The following POC5 variants were observed in gnomAD, a reference collection of about 807,000 sequenced individuals.
The protein encoded by POC5 is POC5 centriolar protein, also known as centrosomal protein POC5.
Under a neutral mutation model 62.9 loss-of-function variants are expected in POC5, and 48 were observed. That is an observed-to-expected ratio of 0.76 (90% CI 0.61 to 0.97). The LOEUF is 0.97. Ranked by LOEUF, POC5 falls within the 50% of genes least tolerant of loss-of-function variation. The probability of loss-of-function intolerance (pLI) is 0.00; values close to 1 mark genes in which losing one functional copy is unlikely to be tolerated. For missense variants in POC5, 696 were observed against 679.5 expected (o/e 1.02, Z -0.27); for synonymous variants, 236 against 228.2 (o/e 1.03, Z -0.31).
At chr5:75,702,543 T>C (rs2112176096) in intron 5 of POC5, 62 bp downstream of exon 5, 2 of 1,456,920 alleles carry the variant, frequency 1.4e-6, no homozygotes, top group Non-Finnish European at 1.9e-6. Flanking sequence ...ACAGTATAAA[T>C]GAGAGTAAAA....
chr5:75,686,405 T>G (rs577248940), intron 9 of POC5, among the ~76,000 whole-genome samples: 1 of 152,200 alleles, frequency 6.6e-6, no homozygotes, highest in Admixed American at 6.5e-5. Flanking sequence ...CTCCAGAAAT[T>G]TGGGCCTCTG....
chr5:75,688,496 G>A (rs1776186590), intron 9 of POC5, among the ~76,000 whole-genome samples: 1 of 151,804 alleles, frequency 6.6e-6, no homozygotes, highest in Non-Finnish European at 1.5e-5. Context: ...GACAATATGT[G>A]GATTTTTAAA....
chr5:75,717,207 CA>C (rs1742632989), intron 1 of POC5, 98 bp downstream of exon 1: 1 of 152,350 alleles, frequency 6.6e-6, no homozygotes, highest in Admixed American at 6.5e-5. Context: ...GGGAAGAGCC[CA>C]GGGGGAGGAA....
In POC5 at chr5:75,702,818, A is replaced by G. The variant is rs772049108; in HGVS notation, c.308-8T>C. The G allele has an allele frequency of 4.5e-6, 7 of 1,551,534 alleles. No homozygotes were observed. In the African/African-American group the frequency reaches 8.2e-5, roughly 18 times the overall value. On this transcript the variant is annotated splice_region_variant and splice_polypyrimidine_tract_variant and intron_variant, in intron 4 of 11. Coordinates refer to ENST00000428202, the MANE Select transcript of POC5 (RefSeq NM_001099271.2). The stretch of plus-strand genomic sequence containing the variant: ...ATAACACTGGTGATGACTCTGAATA[A>G]AAGAAAAGTTGTAGCTGTCAAGCCA...
chr5:75,712,563 A>G (rs773679510), intron 2 of POC5: 2 of 1,037,586 alleles, frequency 1.9e-6, no homozygotes, highest in South Asian at 2.9e-5. Context: ...AGCTAAAATG[A>G]AAAAAATTTA....
chr5:75,685,167 G>C, intron 10 of POC5, 40 bp downstream of exon 10: 2 of 1,548,790 alleles, frequency 1.3e-6, no homozygotes, highest in Non-Finnish European at 1.7e-6. Flanking sequence ...GGGCCTGGCC[G>C]CCCTTTTCAT....
At chr5:75,702,163 G>T (rs1021805655) in intron 5 of POC5, among the ~76,000 whole-genome samples, 1 of 152,008 alleles carries the variant, frequency 6.6e-6, no homozygotes, top group African/African-American at 2.4e-5. Context: ...GGCCTGTCAG[G>T]GGGTGGAGGG....
intron 5 of POC5, among the ~76,000 whole-genome samples, chr5:75,699,698 G>C (rs1295720096): frequency 7.6e-5 from 11 of 144,622 alleles, no homozygotes; most frequent in Non-Finnish European, 1.5e-5. Context: ...ATTCAACATA[G>C]TGTTGGAAGT....
intron 11 of POC5, among the ~76,000 whole-genome samples, chr5:75,675,260 A>C (rs1224947167): frequency 7.2e-6 from 1 of 138,764 alleles, no homozygotes; most frequent in African/African-American, 3.0e-5. Context: ...ATTTACATGT[A>C]AACATGAACA....
At chr5:75,682,421 G>T (rs1775902211) in intron 10 of POC5, among the ~76,000 whole-genome samples, 1 of 152,104 alleles carries the variant, frequency 6.6e-6, no homozygotes, top group African/African-American at 2.4e-5. Flanking sequence ...TTTAAATGAG[G>T]TCATCTGTGC....
In POC5 at chr5:75,674,569, G is replaced by C; in HGVS notation, c.1594C>G (p.Pro532Ala). ...GGATATTTTGCTGCAGTTGCTTGAGGAATGGTTTGCTGAAAAGACAAAATT... is the reference window on the plus strand; with the variant it reads ...GGATATTTTGCTGCAGTTGCTTGAGCAATGGTTTGCTGAAAAGACAAAATT... Reference protein sequence around the residue: ...KHHPVTVQTIPQATAAKYPRT... With the variant: ...KHHPVTVQTIAQATAAKYPRT... The change falls in exon 12 of 12, where the codon CCT becomes GCT. Residue 532 changes from proline (P) to alanine (A), a missense_variant. Coordinates refer to ENST00000428202, the MANE Select transcript of POC5 (RefSeq NM_001099271.2). 6.2e-7 allele frequency: 1 copy of C among 1,613,788 alleles called. No homozygotes were observed. Among genetic ancestry groups the C allele is most frequent in the Non-Finnish European group, 8.5e-7 (1 of 1,179,800 alleles).
chr5:75,692,555 A>G lies in POC5; in HGVS notation c.691-55T>C, dbSNP rs1192370915. On this transcript the variant is annotated intron_variant, in intron 6 of 11. Transcript: ENST00000428202. The stretch of plus-strand genomic sequence containing the variant: ...GATATTAAAATAACAGCAATTGGTA[A>G]AGTGATTTTCTCATATATCAAAAAA... 8 of 1,286,480 alleles carry G rather than the reference A, an allele frequency of 6.2e-6. No homozygotes were observed. In the East Asian group the frequency reaches 2.1e-4, roughly 33 times the overall value. 79.7% of individuals were successfully genotyped at this position (1,286,480 alleles called of 1,614,324 possible). A position where few individuals can be genotyped will look rare whatever the true frequency, so the allele number is the denominator to read the frequency against.
chr5:75,681,708 A>G (rs1775873667), intron 10 of POC5, among the ~76,000 whole-genome samples: 1 of 151,580 alleles, frequency 6.6e-6, no homozygotes, highest in Non-Finnish European at 1.5e-5. Context: ...TTGTTTGCTA[A>G]TTCTCTGTAC....
intron 2 of POC5, chr5:75,709,649 A>G (rs976672046): frequency 6.6e-6 from 1 of 152,178 alleles, no homozygotes; most frequent in Non-Finnish European, 1.5e-5. Context: ...ATTTAAATAG[A>G]TTTAAATATC....
chr5:75,697,938 C>T, intron 5 of POC5, among the ~76,000 whole-genome samples: 1 of 144,038 alleles, frequency 6.9e-6, no homozygotes, highest in African/African-American at 2.6e-5. Context: ...ATAAAACAGA[C>T]TTTAAACCAA....
intron 3 of POC5, among the ~76,000 whole-genome samples, chr5:75,706,630 C>T (rs1230444992): frequency 6.6e-6 from 1 of 151,614 alleles, no homozygotes; most frequent in Non-Finnish European, 1.5e-5. Context: ...GTGGCATAAT[C>T]ATGGCACACT....
intron 5 of POC5, among the ~76,000 whole-genome samples, chr5:75,698,147 T>C (rs1172934462): frequency 7.2e-6 from 1 of 138,962 alleles, no homozygotes; most frequent in African/African-American, 2.6e-5. Flanking sequence ...CTGTCAACAT[T>C]AGACAGATCA....
At chr5:75,703,462 C>T (rs1343448904) in intron 4 of POC5, among the ~76,000 whole-genome samples, 5 of 152,028 alleles carry the variant, frequency 3.3e-5, no homozygotes, top group African/African-American at 1.2e-4. Flanking sequence ...CCCATCTCTA[C>T]TAAAAATACA....
chr5:75,715,177 G>A (rs1777501730), intron 1 of POC5, among the ~76,000 whole-genome samples: 1 of 152,022 alleles, frequency 6.6e-6, no homozygotes, highest in Non-Finnish European at 1.5e-5. Context: ...TGGCGTGGTG[G>A]TGGGCGCCTG....
Sources: allele counts gnomAD v4.1 joint callset (sites outside exome capture counted in the v4.1 genomes callset), GRCh38; gene constraint gnomAD v4.1.1; transcripts MANE v1.5; gene names NCBI Gene and HGNC (gene_info 2026-07-23, HGNC 2026-07-21).